The following LRBA variants were observed in gnomAD, a reference collection of about 807,000 sequenced individuals.
The protein encoded by LRBA is LPS responsive beige-like anchor protein.
Under a neutral mutation model 330.0 loss-of-function variants are expected in LRBA, and 176 were observed. That is an observed-to-expected ratio of 0.53 (90% CI 0.47 to 0.60). The LOEUF is 0.60. Ranked by LOEUF, LRBA falls within the 20% of genes least tolerant of loss-of-function variation. The pLI is 0.00. For synonymous variants in LRBA, 1,230 were observed against 1,193.0 expected (o/e 1.03, Z -0.64); for missense variants, 3,259 against 3,444.8 (o/e 0.95, Z 1.35).
At chr4:150,719,401 T>A (rs947517657) in intron 36 of LRBA, among the ~76,000 whole-genome samples, 1 of 152,054 alleles carries the variant, frequency 6.6e-6, no homozygotes, top group African/African-American at 2.4e-5. Context: ...GAAAGTACAC[T>A]AAGAAATAGA....
At chr4:150,452,546 C>T (rs982982028) in intron 44 of LRBA, among the ~76,000 whole-genome samples, 6 of 150,872 alleles carry the variant, frequency 4.0e-5, no homozygotes, top group Admixed American at 2.7e-4. Flanking sequence ...CGCTTGAACC[C>T]GGGAGGCAGA....
chr4:150,788,501 A>G lies in LRBA; in HGVS notation c.5580+9580T>C, dbSNP rs564626805. ...ACAGTAAATAAGTAATAGAATAAAAAACATTTATTAAAATTCAAAATCTAA... is the reference window on the plus strand; with the variant it reads ...ACAGTAAATAAGTAATAGAATAAAAGACATTTATTAAAATTCAAAATCTAA... On this transcript the variant is annotated intron_variant, in intron 34 of 56. Transcript: ENST00000651943. 3.9e-5 allele frequency among the ~76,000 whole-genome samples: 6 copies of G among 152,240 alleles called. No individual in the cohort carries two copies. In the East Asian group the frequency reaches 1.2e-3, roughly 29 times the overall value.
chr4:150,314,832 T>C (rs983089270), intron 51 of LRBA: 1 of 152,210 alleles, frequency 6.6e-6, no homozygotes, highest in South Asian at 2.1e-4. Flanking sequence ...CTAACAGCAA[T>C]TAAATATTCT....
intron 44 of LRBA, among the ~76,000 whole-genome samples, chr4:150,448,828 G>A (rs1167965478): frequency 7.8e-6 from 1 of 127,880 alleles, no homozygotes; most frequent in Admixed American, 8.1e-5. Flanking sequence ...AAAAAGGGGG[G>A]GGGGGTGGGC....
At chr4:151,012,511 A>G (rs1744968261) in intron 2 of LRBA, among the ~76,000 whole-genome samples, 1 of 152,228 alleles carries the variant, frequency 6.6e-6, no homozygotes, top group South Asian at 2.1e-4. Flanking sequence ...TTTCAAGTCT[A>G]TTTTGAGGTA....
At chr4:150,329,727 T>A (rs1275901721) in intron 48 of LRBA, among the ~76,000 whole-genome samples, 1 of 152,220 alleles carries the variant, frequency 6.6e-6, no homozygotes, top group Non-Finnish European at 1.5e-5. Flanking sequence ...CATGTATGTC[T>A]TAGCACATCT....
chr4:150,432,016 T>C (rs1561168642), intron 46 of LRBA, among the ~76,000 whole-genome samples: 1 of 152,158 alleles, frequency 6.6e-6, no homozygotes, highest in Non-Finnish European at 1.5e-5. Context: ...TATTATTCTT[T>C]GAGTATTGGG....
At chr4:150,323,485 T>C (rs951862042) in intron 49 of LRBA, among the ~76,000 whole-genome samples, 3 of 152,080 alleles carry the variant, frequency 2.0e-5, no homozygotes, top group African/African-American at 7.2e-5. Context: ...AAAAAAAATC[T>C]CTCATGTGTA....
intron 44 of LRBA, among the ~76,000 whole-genome samples, chr4:150,454,181 G>T (rs991040836): frequency 6.6e-6 from 1 of 151,994 alleles, no homozygotes; most frequent in African/African-American, 2.4e-5. Context: ...GGATGGTCTT[G>T]ATCTCCTGAC....
chr4:150,565,227 C>T (rs1768973419), intron 40 of LRBA, among the ~76,000 whole-genome samples: 1 of 152,088 alleles, frequency 6.6e-6, no homozygotes, highest in Admixed American at 6.6e-5. Flanking sequence ...AAACTGGAAG[C>T]CATCATCCTC....
At chr4:150,708,263 G>C (rs2127024111) in intron 36 of LRBA, among the ~76,000 whole-genome samples, 1 of 151,946 alleles carries the variant, frequency 6.6e-6, no homozygotes, top group African/African-American at 2.4e-5. Context: ...ACTCAATTCT[G>C]TTCAGCAAGC....
chr4:150,677,837 A>AAGGAG (rs1782695196), intron 37 of LRBA, among the ~76,000 whole-genome samples: 1 of 150,234 alleles, frequency 6.7e-6, no homozygotes, highest in African/African-American at 2.5e-5. Context: ...AGAAAAAAGA[A>AAGGAG]AAGAGAAAAG....
chr4:150,412,938 T>TA (rs1469245522), intron 47 of LRBA, among the ~76,000 whole-genome samples: 1 of 151,668 alleles, frequency 6.6e-6, no homozygotes, highest in Non-Finnish European at 1.5e-5. Context: ...AAAGGCTAGT[T>TA]AAAAAATATT....
intron 40 of LRBA, among the ~76,000 whole-genome samples, chr4:150,545,160 GAATT>G (rs1277325635): frequency 2.0e-5 from 3 of 152,084 alleles, no homozygotes; most frequent in Non-Finnish European, 4.4e-5. Flanking sequence ...ATAATAAAAT[GAATT>G]AACATCTTTG....
chr4:150,601,130 G>A (rs1774071661), intron 37 of LRBA, among the ~76,000 whole-genome samples: 1 of 152,156 alleles, frequency 6.6e-6, no homozygotes, highest in Non-Finnish European at 1.5e-5. Flanking sequence ...GCTCAAATTT[G>A]TTAACCTTTT....
chr4:150,286,048 C>G lies in LRBA; in HGVS notation c.8018-14G>C, dbSNP rs1011212012. 11 of 1,513,120 alleles carry G rather than the reference C, an allele frequency of 7.3e-6. No individual in the cohort carries two copies. The highest frequency in any genetic ancestry group is 1.4e-5 in the African/African-American group (1 of 71,938). The allele number at this position is 1,513,120 out of a possible 1,614,324, so 93.7% of individuals were successfully genotyped here. ...CAGCAGTCTCACCTTTAGGAAAAAA[C>G]AGATAAAAAGAACAAATCAATTCAA... On this transcript the variant is annotated splice_polypyrimidine_tract_variant and intron_variant, in intron 53 of 56. Coordinates refer to ENST00000651943, the MANE Select transcript of LRBA (RefSeq NM_001364905.1).
intron 37 of LRBA, among the ~76,000 whole-genome samples, chr4:150,628,622 T>C (rs1386093489): frequency 6.6e-6 from 1 of 152,218 alleles, no homozygotes; most frequent in Non-Finnish European, 1.5e-5. Context: ...CAAGTCAGTT[T>C]CTAAAGGAAA....
At chr4:150,479,609 C>A (rs939903470) in intron 42 of LRBA, among the ~76,000 whole-genome samples, 1 of 152,108 alleles carries the variant, frequency 6.6e-6, no homozygotes, top group Non-Finnish European at 1.5e-5. Context: ...AATACATCCT[C>A]GAGAGGTGGA....
chr4:150,352,025 T>C (rs1737255667), intron 47 of LRBA, among the ~76,000 whole-genome samples: 1 of 152,182 alleles, frequency 6.6e-6, no homozygotes, highest in Non-Finnish European at 1.5e-5. Context: ...TAAACACAGG[T>C]AACTGGAATT....
Sources: gnomAD v4.1 joint callset for allele counts (sites outside exome capture counted in the v4.1 genomes callset) on GRCh38, gnomAD v4.1.1 for gene constraint, MANE v1.5 for transcripts, NCBI Gene and HGNC (gene_info 2026-07-23, HGNC 2026-07-21) for gene names.